CPNE1: variants seen among roughly 807,000 people sequenced by gnomAD.
The protein encoded by CPNE1 is copine 1.
CPNE1 carries 58 observed loss-of-function variants against 63.2 expected under a neutral mutation model. The ratio of observed to expected loss-of-function variants is 0.92; its 90% CI spans 0.74 to 1.14. CPNE1 has a LOEUF of 1.14. Ranked by LOEUF, CPNE1 falls within the 50% of genes most tolerant of loss-of-function variation. The pLI is 0.00. For synonymous variants in CPNE1, 237 were observed against 249.0 expected, an observed-to-expected ratio of 0.95 and a Z score of 0.45; for missense variants, 672 against 661.7, an observed-to-expected ratio of 1.02 and a Z score of -0.17.
At position 35,626,094 on chromosome 20, in the gene CPNE1, G is replaced by A. The variant is rs765026365; in HGVS notation, c.*147C>T. ...TGAGGGTTGTCAGGAGCAAAGGTGG[G>A]ATCAAGAGCAGCAAAAGCAGAAACA... On this transcript the variant is annotated 3_prime_UTR_variant, in exon 16 of 16. Coordinates refer to ENST00000397443, the MANE Select transcript of CPNE1 (RefSeq NM_152925.3). The A allele has an allele frequency of 8.0e-5, 68 of 847,050 alleles. No homozygotes were observed. The highest frequency in any genetic ancestry group is 3.0e-4 in the Admixed American group (15 of 50,236). 52.5% of individuals were successfully genotyped at this position (847,050 alleles called of 1,614,324 possible). A position where few individuals can be genotyped will look rare whatever the true frequency, so the allele number is the denominator to read the frequency against.
intron 1 of CPNE1, among the ~76,000 whole-genome samples, chr20:35,657,237 C>T (rs186595398): frequency 6.6e-6 from 1 of 152,294 alleles, no homozygotes; most frequent in African/African-American, 2.4e-5. Flanking sequence ...AAAATTAACG[C>T]TAAAAAACAT....
chr20:35,637,819 TC>T (rs2032573847), intron 1 of CPNE1, among the ~76,000 whole-genome samples: 1 of 152,156 alleles, frequency 6.6e-6, no homozygotes, highest in Non-Finnish European at 1.5e-5. Flanking sequence ...GCCTAACTAA[TC>T]ATCTAGCCAC....
At chr20:35,658,870 TTAA>T in intron 1 of CPNE1, 1 of 705,054 alleles carries the variant, frequency 1.4e-6, no homozygotes, top group Non-Finnish European at 2.6e-6. Context: ...TTCATATTTC[TTAA>T]TAAGCTATCT....
intron 1 of CPNE1, among the ~76,000 whole-genome samples, chr20:35,635,247 C>A (rs1238178374): frequency 2.0e-5 from 3 of 152,052 alleles, no homozygotes; most frequent in African/African-American, 4.8e-5. Flanking sequence ...GCATTGCATA[C>A]CCCTTTTTTG....
At position 35,631,671 on chromosome 20, in the gene CPNE1, G is replaced by C. The variant is rs1179211049; in HGVS notation, c.627+17C>G. The C allele has an allele frequency of 6.2e-7, 1 of 1,613,374 alleles. No homozygotes were observed. The highest frequency in any genetic ancestry group is 2.2e-5 in the East Asian group (1 of 44,884). On this transcript the variant is annotated intron_variant, in intron 7 of 15. Transcript: ENST00000397443. ...TCTCTTCTCCAGCGCAGTCCACTTA[G>C]GGGGCAAGCTCCTCACCTGGATGGG...
At chr20:35,637,754 G>A (rs2032570409) in intron 1 of CPNE1, among the ~76,000 whole-genome samples, 1 of 152,082 alleles carries the variant, frequency 6.6e-6, no homozygotes, top group South Asian at 2.1e-4. Context: ...AAACACTTAA[G>A]ATAAAACCCA....
intron 1 of CPNE1, among the ~76,000 whole-genome samples, chr20:35,639,174 G>A (rs902945700): frequency 4.6e-5 from 7 of 151,666 alleles, no homozygotes; most frequent in Admixed American, 3.3e-4. Flanking sequence ...CAAGTGTACC[G>A]ATGACTGAAA....
intron 3 of CPNE1, 40 bp downstream of exon 3, chr20:35,632,477 G>A: frequency 6.2e-7 from 1 of 1,607,460 alleles, no homozygotes; most frequent in Non-Finnish European, 8.5e-7. Context: ...TTGTCTCACA[G>A]ACCTGCATCT....
At chr20:35,661,304 T>C (rs1189971637) in intron 1 of CPNE1, among the ~76,000 whole-genome samples, 1 of 152,248 alleles carries the variant, frequency 6.6e-6, no homozygotes, top group Non-Finnish European at 1.5e-5. Context: ...TCCAGGAAAC[T>C]ACTATTCCTG....
chr20:35,645,649 T>C (rs2033056742), intron 1 of CPNE1, among the ~76,000 whole-genome samples: 1 of 152,208 alleles, frequency 6.6e-6, no homozygotes, highest in Non-Finnish European at 1.5e-5. Context: ...GACAGGTGCT[T>C]CCAATTCCAA....
At chr20:35,658,094 A>T (rs192618700) in intron 1 of CPNE1, among the ~76,000 whole-genome samples, 95 of 152,260 alleles carry the variant, frequency 6.2e-4, no homozygotes, top group African/African-American at 1.8e-3. Context: ...AAAAAAATTT[A>T]AAAAAGTATC....
chr20:35,639,104 C>A (rs6060528), intron 1 of CPNE1, among the ~76,000 whole-genome samples: 10,037 of 109,660 alleles, frequency 0.092, 421 homozygotes, highest in South Asian at 0.24. Flanking sequence ...AAAAAAAAAA[C>A]AAAACCCAAC....
intron 1 of CPNE1, among the ~76,000 whole-genome samples, chr20:35,663,794 C>T (rs1015445729): frequency 1.3e-5 from 2 of 152,220 alleles, no homozygotes; most frequent in South Asian, 2.1e-4. Context: ...GCACTGGCGT[C>T]CAACCCCGTC....
chr20:35,652,261 T>C, intron 1 of CPNE1: 1 of 343,464 alleles, frequency 2.9e-6, no homozygotes. Context: ...TGTGGTCATT[T>C]GAGTTTTACA....
intron 1 of CPNE1, among the ~76,000 whole-genome samples, chr20:35,656,787 G>A (rs1026926192): frequency 2.7e-5 from 4 of 146,996 alleles, no homozygotes; most frequent in African/African-American, 7.3e-5. Context: ...GATTACAGGC[G>A]TGAGCCACTG....
At chr20:35,642,916 AAAG>A (rs1249984467) in intron 1 of CPNE1, among the ~76,000 whole-genome samples, 2 of 152,224 alleles carry the variant, frequency 1.3e-5, no homozygotes, top group African/African-American at 4.8e-5. Flanking sequence ...AAAATATGAA[AAAG>A]AAGATGGCCA....
At chr20:35,655,159 A>G in intron 1 of CPNE1, 1 of 1,614,200 alleles carries the variant, frequency 6.2e-7, no homozygotes, top group Non-Finnish European at 8.5e-7. Context: ...CATCATACCA[A>G]GCCTTGCATC....
intron 1 of CPNE1, chr20:35,653,953 T>A: frequency 6.2e-7 from 1 of 1,614,166 alleles, no homozygotes; most frequent in Non-Finnish European, 8.5e-7. Flanking sequence ...AATACTATCT[T>A]CCACAATATC....
rs541322858 is a variant in CPNE1, at chr20:35,634,134, G to A, written c.1-1211C>T. Among the ~76,000 whole-genome samples the A allele has an allele frequency of 4.0e-3, 609 of 150,576 alleles. 2 individuals are homozygous for A. The highest frequency in any genetic ancestry group is 7.2e-3 in the Non-Finnish European group (487 of 67,730). On this transcript the variant is annotated intron_variant, in intron 1 of 15. Transcript: ENST00000397443. ...AAATTAGCCAGGTGTGGTGGCGGGCGCCTGTAGTCCCAGCTACTCGGGAGG... is the reference window on the plus strand; with the variant it reads ...AAATTAGCCAGGTGTGGTGGCGGGCACCTGTAGTCCCAGCTACTCGGGAGG...
Sources: allele counts gnomAD v4.1 joint callset (sites outside exome capture counted in the v4.1 genomes callset), GRCh38; gene constraint gnomAD v4.1.1; transcripts MANE v1.5; gene names NCBI Gene and HGNC (gene_info 2026-07-23, HGNC 2026-07-21).